The following KIAA1958 variants were observed in gnomAD, a reference collection of about 807,000 sequenced individuals.
The protein encoded by KIAA1958 is uncharacterized protein KIAA1958.
KIAA1958 carries 14 observed loss-of-function variants against 47.2 expected under a neutral mutation model. The ratio of observed to expected loss-of-function variants is 0.30; its 90% CI spans 0.20 to 0.46. KIAA1958 has a LOEUF of 0.46. KIAA1958 is among the 20% of genes least tolerant of loss of function. The probability of loss-of-function intolerance (pLI) is 1.00; values close to 1 mark genes in which losing one functional copy is unlikely to be tolerated. For synonymous variants in KIAA1958, 354 were observed against 353.3 expected (o/e 1.00, Z -0.02); for missense variants, 803 against 909.2 (o/e 0.88, Z 1.50).
intron 2 of KIAA1958, among the ~76,000 whole-genome samples, chr9:112,613,882 C>T (rs1185190308): frequency 1.3e-5 from 2 of 152,080 alleles, no homozygotes; most frequent in Non-Finnish European, 2.9e-5. Flanking sequence ...TGCATGATTT[C>T]CTGTGACCCA....
intron 1 of KIAA1958, among the ~76,000 whole-genome samples, chr9:112,562,718 A>G (rs1269066387): frequency 4.6e-5 from 7 of 152,140 alleles, no homozygotes; most frequent in African/African-American, 1.4e-4. Context: ...TCTGTAAACA[A>G]GGTTTATAGG....
chr9:112,602,265 A>G (rs761325642), intron 2 of KIAA1958, among the ~76,000 whole-genome samples: 3 of 152,212 alleles, frequency 2.0e-5, no homozygotes, highest in Non-Finnish European at 2.9e-5. Context: ...AGCTATTGCT[A>G]TAATATTTTC....
intron 1 of KIAA1958, among the ~76,000 whole-genome samples, chr9:112,529,437 C>T (rs537592831): frequency 2.6e-5 from 4 of 152,292 alleles, no homozygotes; most frequent in East Asian, 1.9e-4. Flanking sequence ...CACAATACCA[C>T]GTTACATTTA....
intron 2 of KIAA1958, among the ~76,000 whole-genome samples, chr9:112,623,431 C>G (rs972012518): frequency 6.6e-6 from 1 of 152,194 alleles, no homozygotes; most frequent in East Asian, 1.9e-4. Flanking sequence ...ATTAAGCACT[C>G]TCTTTTTCTG....
intron 2 of KIAA1958, among the ~76,000 whole-genome samples, chr9:112,593,524 T>C (rs1835962609): frequency 6.6e-6 from 1 of 152,206 alleles, no homozygotes. Context: ...ATAAAGAGTT[T>C]ATGTCTGACC....
intron 2 of KIAA1958, 41 bp from the exon 3 acceptor site, chr9:112,645,609 A>G (rs1304224156): frequency 7.2e-7 from 1 of 1,389,096 alleles, no homozygotes; most frequent in African/African-American, 1.4e-5. Flanking sequence ...AAAGAAGGGA[A>G]TGGCAAATTA....
At chr9:112,524,846 C>T (rs1487068346) in intron 1 of KIAA1958, among the ~76,000 whole-genome samples, 2 of 152,152 alleles carry the variant, frequency 1.3e-5, no homozygotes. Flanking sequence ...TGGTTCACAG[C>T]GCCCTGATGC....
At chr9:112,582,722 GAA>G (rs768292925) in intron 2 of KIAA1958, 2 of 121,854 alleles carry the variant, frequency 1.6e-5, no homozygotes, top group African/African-American at 2.9e-5. Context: ...CAATAGCCCT[GAA>G]AAAAAAAAAA....
chr9:112,643,421 A>G (rs1588051880), intron 2 of KIAA1958, among the ~76,000 whole-genome samples: 1 of 152,250 alleles, frequency 6.6e-6, no homozygotes. Context: ...TAGACAATTT[A>G]TGTAAAACCT....
At chr9:112,573,041 A>G (rs1005311644) in intron 1 of KIAA1958, among the ~76,000 whole-genome samples, 3 of 152,128 alleles carry the variant, frequency 2.0e-5, no homozygotes, top group Non-Finnish European at 4.4e-5. Context: ...CTCCCTGACC[A>G]GTGCTCCCAG....
At chr9:112,610,552 C>G (rs947726838) in intron 2 of KIAA1958, among the ~76,000 whole-genome samples, 2 of 152,026 alleles carry the variant, frequency 1.3e-5, no homozygotes, top group Non-Finnish European at 2.9e-5. Flanking sequence ...TATCATAAGA[C>G]ATTACTTTAT....
At chr9:112,503,500 T>G (rs1160503248) in intron 1 of KIAA1958, among the ~76,000 whole-genome samples, 4 of 151,224 alleles carry the variant, frequency 2.6e-5, no homozygotes, top group African/African-American at 9.7e-5. Context: ...ATAAAAAAAA[T>G]TAGCCAAGTG....
chr9:112,508,481 C>G (rs1030812189), intron 1 of KIAA1958, among the ~76,000 whole-genome samples: 1 of 152,180 alleles, frequency 6.6e-6, no homozygotes, highest in Non-Finnish European at 1.5e-5. Context: ...CAGCTACATA[C>G]GATGATGGCA....
intron 1 of KIAA1958, among the ~76,000 whole-genome samples, chr9:112,494,660 GTTTCACCATGTCACCCAGGC>G (rs897817889): frequency 2.0e-4 from 30 of 152,046 alleles, no homozygotes; most frequent in Admixed American, 1.9e-3. Context: ...TAGAGACAGG[GTTTCACCATGTCACCCAGGC>G]TGGTCTCAAA....
intron 1 of KIAA1958, among the ~76,000 whole-genome samples, chr9:112,506,889 G>A (rs932543484): frequency 1.3e-5 from 2 of 152,164 alleles, no homozygotes; most frequent in Non-Finnish European, 2.9e-5. Context: ...AAGTGTGGTA[G>A]TTTTGGTAGT....
chr9:112,633,629 G>A (rs1413850861), intron 2 of KIAA1958, among the ~76,000 whole-genome samples: 2 of 152,046 alleles, frequency 1.3e-5, no homozygotes, highest in Non-Finnish European at 2.9e-5. Flanking sequence ...TCCCTCATGT[G>A]CCCTCCCTTA....
chr9:112,595,817 C>T (rs1288875785), intron 2 of KIAA1958, among the ~76,000 whole-genome samples: 1 of 150,714 alleles, frequency 6.6e-6, no homozygotes, highest in Non-Finnish European at 1.5e-5. Flanking sequence ...CGGAGTTTCA[C>T]TCTTATTGCC....
intron 2 of KIAA1958, among the ~76,000 whole-genome samples, chr9:112,644,384 G>T (rs1363630519): frequency 6.6e-6 from 1 of 152,100 alleles, no homozygotes; most frequent in Non-Finnish European, 1.5e-5. Context: ...AGTTCACCTT[G>T]GTCATTGCAT....
intron 2 of KIAA1958, among the ~76,000 whole-genome samples, chr9:112,635,275 G>T (rs973529507): frequency 1.4e-5 from 2 of 147,084 alleles, no homozygotes; most frequent in African/African-American, 5.2e-5. Context: ...TTTTGAGACA[G>T]GGTCTGGCTT....
Sources: allele counts gnomAD v4.1 joint callset (sites outside exome capture counted in the v4.1 genomes callset), GRCh38; gene constraint gnomAD v4.1.1; transcripts MANE v1.5; gene names NCBI Gene and HGNC (gene_info 2026-07-23, HGNC 2026-07-21).